Variants in NRXN3 observed in about 807,000 individuals in gnomAD.
NRXN3 encodes neurexin 3.
In NRXN3, 32 loss-of-function variants were observed where a neutral mutation model predicts 137.6. That is an observed-to-expected ratio of 0.23 (90% CI 0.18 to 0.31). The LOEUF is 0.31. NRXN3 is among the 10% of genes least tolerant of loss of function. The probability of loss-of-function intolerance (pLI) is 1.00; values close to 1 mark genes in which losing one functional copy is unlikely to be tolerated. For synonymous variants in NRXN3, 798 were observed against 784.5 expected, an observed-to-expected ratio of 1.02 and a Z score of -0.29; for missense variants, 1,574 against 2,062.5, an observed-to-expected ratio of 0.76 and a Z score of 4.59.
chr14:79,100,685 G>T (rs11625761), intron 15 of NRXN3, among the ~76,000 whole-genome samples: 4,961 of 152,236 alleles, frequency 0.033, 123 homozygotes, highest in Middle Eastern at 0.11. Context: ...ATCAGAATAG[G>T]GCACCCCATG....
At chr14:78,942,718 G>A (rs768090875) in intron 10 of NRXN3, among the ~76,000 whole-genome samples, 16 of 152,022 alleles carry the variant, frequency 1.1e-4, no homozygotes, top group Non-Finnish European at 1.8e-4. Context: ...AGAGCTGCAG[G>A]ATACAACAAT....
intron 16 of NRXN3, among the ~76,000 whole-genome samples, chr14:79,473,014 T>C (rs1244362156): frequency 6.6e-6 from 1 of 152,220 alleles, no homozygotes; most frequent in Non-Finnish European, 1.5e-5. Context: ...CTTGGATTCA[T>C]TTTTTAATTA....
intron 15 of NRXN3, among the ~76,000 whole-genome samples, chr14:79,340,670 G>C (rs1368597776): frequency 6.6e-6 from 1 of 152,144 alleles, no homozygotes; most frequent in Non-Finnish European, 1.5e-5. Context: ...CTCCATGTTT[G>C]TCAGGCTGGT....
chr14:79,527,423 G>A (rs2097130747), intron 16 of NRXN3, among the ~76,000 whole-genome samples: 2 of 151,836 alleles, frequency 1.3e-5, no homozygotes, highest in South Asian at 2.1e-4. Context: ...GATGGAAAGT[G>A]GTCTCTTAAG....
intron 4 of NRXN3, among the ~76,000 whole-genome samples, chr14:78,391,560 A>G (rs1457714275): frequency 3.9e-5 from 6 of 152,062 alleles, no homozygotes; most frequent in African/African-American, 1.4e-4. Flanking sequence ...GGGACATGCT[A>G]GCCTTCTCTT....
intron 10 of NRXN3, among the ~76,000 whole-genome samples, chr14:78,954,678 G>T (rs1490207441): frequency 1.3e-5 from 2 of 151,784 alleles, no homozygotes; most frequent in Admixed American, 1.3e-4. Context: ...TGTTAGCCAG[G>T]ATAGTCTCGA....
intron 15 of NRXN3, among the ~76,000 whole-genome samples, chr14:79,078,903 AG>A (rs1347536555): frequency 1.3e-5 from 2 of 152,124 alleles, no homozygotes; most frequent in Non-Finnish European, 2.9e-5. Context: ...ACATGCTATT[AG>A]CCCATGATTC....
At chr14:79,266,304 A>AT (rs755341891) in intron 15 of NRXN3, among the ~76,000 whole-genome samples, 2 of 151,968 alleles carry the variant, frequency 1.3e-5, no homozygotes, top group Non-Finnish European at 2.9e-5. Flanking sequence ...CAAAAGTATG[A>AT]TTTTTTTCAT....
At chr14:78,361,286 G>A (rs1051340880) in intron 4 of NRXN3, among the ~76,000 whole-genome samples, 1 of 152,202 alleles carries the variant, frequency 6.6e-6, no homozygotes, top group Admixed American at 6.5e-5. Context: ...TGATTCTAAA[G>A]TGCAATCAGA....
intron 1 of NRXN3, among the ~76,000 whole-genome samples, chr14:78,214,298 C>T (rs2063039854): frequency 6.6e-6 from 1 of 152,132 alleles, no homozygotes. Context: ...AGTCTCTTTC[C>T]TTCATATCTC....
At chr14:79,841,800 A>T (rs1270904046) in intron 20 of NRXN3, among the ~76,000 whole-genome samples, 1 of 152,252 alleles carries the variant, frequency 6.6e-6, no homozygotes, top group African/African-American at 2.4e-5. Flanking sequence ...AGTGAGAACG[A>T]GTCAGATAGT....
At chr14:78,317,755 C>T (rs76311019) in intron 4 of NRXN3, among the ~76,000 whole-genome samples, 4,311 of 152,236 alleles carry the variant, frequency 0.028, 90 homozygotes, top group Non-Finnish European at 0.04. Flanking sequence ...TAAGTTGACA[C>T]GTAAAATTAC....
At chr14:78,558,574 T>A (rs1189007909) in intron 4 of NRXN3, among the ~76,000 whole-genome samples, 1 of 152,224 alleles carries the variant, frequency 6.6e-6, no homozygotes, top group Non-Finnish European at 1.5e-5. Context: ...TTACTTTCTC[T>A]ACTTCCTTTA....
intron 15 of NRXN3, among the ~76,000 whole-genome samples, chr14:79,244,155 C>T (rs1488910889): frequency 1.3e-5 from 2 of 152,108 alleles, no homozygotes; most frequent in Non-Finnish European, 2.9e-5. Context: ...GTCCCAAGAT[C>T]TAGGCATTGA....
intron 4 of NRXN3, among the ~76,000 whole-genome samples, chr14:78,549,926 C>T (rs895229227): frequency 2.0e-5 from 3 of 151,950 alleles, no homozygotes; most frequent in Non-Finnish European, 4.4e-5. Flanking sequence ...GATACTTTAT[C>T]ATCATTACTA....
At chr14:78,381,000 G>A (rs1030219526) in intron 4 of NRXN3, among the ~76,000 whole-genome samples, 1 of 152,056 alleles carries the variant, frequency 6.6e-6, no homozygotes, top group Non-Finnish European at 1.5e-5. Context: ...ATGGCCACAC[G>A]AATATGCCCA....
intron 4 of NRXN3, among the ~76,000 whole-genome samples, chr14:78,629,706 T>C (rs1032807760): frequency 6.6e-6 from 1 of 152,222 alleles, no homozygotes; most frequent in African/African-American, 2.4e-5. Context: ...TTCATGGTGG[T>C]GTACAATGAT....
rs533097025 is a variant in NRXN3 at position 78,536,217 on chromosome 14, G to A, written c.758-108903G>A. On this transcript the variant is annotated intron_variant, in intron 4 of 20. Coordinates refer to ENST00000335750, the MANE Select transcript of NRXN3 (RefSeq NM_001330195.2). ...AGACCAGAAGTGCAGAGAAATTAAT[G>A]TCCTCTTTCCTCAGTGTTCATCAAA... 1.4e-4 allele frequency among the ~76,000 whole-genome samples: 21 copies of A among 152,282 alleles called. No individual in the cohort carries two copies. In the South Asian group the frequency reaches 3.9e-3, roughly 29 times the overall value.
chr14:79,313,926 T>C (rs1275117570), intron 15 of NRXN3: 6 of 143,066 alleles, frequency 4.2e-5, no homozygotes, highest in East Asian at 2.1e-4. Flanking sequence ...GAAGCCTTCT[T>C]CTCTCAGCTC....
Sources: gnomAD v4.1 joint callset for allele counts (sites outside exome capture counted in the v4.1 genomes callset) on GRCh38, gnomAD v4.1.1 for gene constraint, MANE v1.5 for transcripts, NCBI Gene and HGNC (gene_info 2026-07-23, HGNC 2026-07-21) for gene names.